The following TPD52L1 variants were observed in gnomAD, a reference collection of about 807,000 sequenced individuals.
TPD52L1 encodes tumor protein D53.
In TPD52L1, 18 loss-of-function variants were observed where a neutral mutation model predicts 28.7. The observed-to-expected ratio is 0.63, with a 90% CI of 0.43 to 0.93. TPD52L1 has a LOEUF of 0.93. TPD52L1 is among the 40% of genes least tolerant of loss of function. The pLI is 0.00. For missense variants in TPD52L1, 203 were observed against 254.8 expected (o/e 0.80, Z 1.39); for synonymous variants, 75 against 88.8 (o/e 0.84, Z 0.88).
chr6:125,187,950 C>G (rs1362982338), intron 1 of TPD52L1, among the ~76,000 whole-genome samples: 1 of 150,074 alleles, frequency 6.7e-6, no homozygotes, highest in Non-Finnish European at 1.5e-5. Context: ...TTAATGATGT[C>G]GAGGAACACA....
intron 1 of TPD52L1, among the ~76,000 whole-genome samples, chr6:125,184,788 G>A (rs557554403): frequency 1.4e-4 from 22 of 151,868 alleles, no homozygotes; most frequent in Middle Eastern, 3.4e-3. Flanking sequence ...CCAGCAAATA[G>A]TAGAGGAAAA....
intron 1 of TPD52L1, among the ~76,000 whole-genome samples, chr6:125,172,120 CTT>C (rs1203271441): frequency 3.0e-4 from 16 of 52,478 alleles, no homozygotes; most frequent in African/African-American, 1.6e-3. Flanking sequence ...TTCTTTCTTT[CTT>C]TCTTTCTTTC....
chr6:125,228,939 A>C (rs2114986170), intron 2 of TPD52L1, 179 bp from the exon 3 acceptor site: 2 of 450,168 alleles, frequency 4.4e-6, no homozygotes, highest in East Asian at 7.3e-5. Flanking sequence ...AAAATGAAAA[A>C]TTCTGTTTCT....
chr6:125,202,711 T>C (rs1793871854), intron 1 of TPD52L1, among the ~76,000 whole-genome samples: 1 of 152,072 alleles, frequency 6.6e-6, no homozygotes, highest in Non-Finnish European at 1.5e-5. Flanking sequence ...ACTGTTTTCC[T>C]TTTTGCTTAG....
chr6:125,260,948 GAA>G (rs1208254703), intron 6 of TPD52L1: 1 of 39,474 alleles, frequency 2.5e-5, no homozygotes, highest in South Asian at 1.1e-3. Context: ...AAGAAAGAAA[GAA>G]AGAAAGAAAG....
At chr6:125,253,974 A>G in intron 5 of TPD52L1, 1 of 740,322 alleles carries the variant, frequency 1.4e-6, no homozygotes, top group Non-Finnish European at 2.5e-6. Flanking sequence ...GATCCAAGAC[A>G]AGTGACTTAA....
intron 4 of TPD52L1, chr6:125,252,119 A>G (rs1350408539): frequency 1.4e-5 from 21 of 1,477,048 alleles, no homozygotes; most frequent in East Asian, 2.5e-5. Flanking sequence ...TTTCTTTCAC[A>G]CTGTGCCTGA....
rs970993885 is a variant in TPD52L1 at position 125,154,376 on chromosome 6, G to T, written c.19+406G>T. ...GTGACTCTTTTCGCCCAGCGCCGTG[G>T]ACTCGCGGCTTGTGGCTCCCAAGTT... On this transcript the variant is annotated intron_variant, in intron 1 of 6. Coordinates refer to ENST00000534000, the MANE Select transcript of TPD52L1 (RefSeq NM_003287.4). 1.1e-5 allele frequency: 11 copies of T among 1,003,292 alleles called. No individual in the cohort carries two copies. The African/African-American group carries it at 1.9e-4, about 17-fold the overall frequency. 62.1% of individuals were successfully genotyped at this position (1,003,292 alleles called of 1,614,324 possible).
At chr6:125,177,141 C>T (rs1357755917) in intron 1 of TPD52L1, among the ~76,000 whole-genome samples, 1 of 152,174 alleles carries the variant, frequency 6.6e-6, no homozygotes, top group African/African-American at 2.4e-5. Flanking sequence ...ATACATTCAC[C>T]CGTACATTGG....
intron 2 of TPD52L1, among the ~76,000 whole-genome samples, chr6:125,226,673 C>A (rs1455522614): frequency 6.6e-6 from 1 of 151,688 alleles, no homozygotes; most frequent in African/African-American, 2.4e-5. Flanking sequence ...CCCCCACCCC[C>A]GCCGAGAAAA....
chr6:125,182,458 G>A (rs1479428471), intron 1 of TPD52L1, among the ~76,000 whole-genome samples: 1 of 152,048 alleles, frequency 6.6e-6, no homozygotes, highest in African/African-American at 2.4e-5. Context: ...GTAGTCAGGA[G>A]AGGATCATTG....
chr6:125,207,690 A>G (rs1794237376), intron 1 of TPD52L1, among the ~76,000 whole-genome samples: 1 of 152,206 alleles, frequency 6.6e-6, no homozygotes, highest in Admixed American at 6.5e-5. Flanking sequence ...TGCAGTATCC[A>G]CCTAGGTCCC....
At chr6:125,231,616 T>C (rs549286514) in intron 3 of TPD52L1, among the ~76,000 whole-genome samples, 14 of 147,236 alleles carry the variant, frequency 9.5e-5, no homozygotes, top group African/African-American at 3.7e-4. Flanking sequence ...GTTTTTGTTG[T>C]TGTTGTTGTT....
At chr6:125,199,422 C>T (rs542947735) in intron 1 of TPD52L1, among the ~76,000 whole-genome samples, 3 of 152,330 alleles carry the variant, frequency 2.0e-5, no homozygotes, top group South Asian at 2.1e-4. Context: ...CAGTGGCTCA[C>T]GCCTGTAATC....
intron 1 of TPD52L1, among the ~76,000 whole-genome samples, chr6:125,199,512 C>T (rs533781668): frequency 3.9e-5 from 6 of 152,110 alleles, no homozygotes; most frequent in Non-Finnish European, 8.8e-5. Context: ...ATGGTAAAAC[C>T]TCATCTCTAC....
At chr6:125,180,527 T>C (rs1209285050) in intron 1 of TPD52L1, among the ~76,000 whole-genome samples, 3 of 151,880 alleles carry the variant, frequency 2.0e-5, no homozygotes, top group African/African-American at 7.3e-5. Context: ...ACACAGTTTT[T>C]AAATATACAT....
At position 125,250,928 on chromosome 6, in the gene TPD52L1, T is replaced by C; in HGVS notation, c.386+2545T>C. Among the ~76,000 whole-genome samples the C allele has an allele frequency of 1.3e-5, 2 of 152,158 alleles. 1 individual carries two copies. The highest frequency in any genetic ancestry group is 2.9e-5 in the Non-Finnish European group (2 of 68,028). ...TACAATCCTGAAATATTTTGAAGAG[T>C]TTGAAAATTTCAGAGCTTTATTTAT... is the stretch of plus-strand genomic sequence containing the variant. On this transcript the variant is annotated intron_variant, in intron 4 of 6. Coordinates refer to ENST00000534000, the MANE Select transcript of TPD52L1 (RefSeq NM_003287.4).
chr6:125,235,860 G>A (rs1796235600), intron 3 of TPD52L1, among the ~76,000 whole-genome samples: 1 of 152,206 alleles, frequency 6.6e-6, no homozygotes, highest in African/African-American at 2.4e-5. Context: ...GGATAACATA[G>A]TGGGATCCCA....
intron 2 of TPD52L1, 72 bp from the exon 3 acceptor site, chr6:125,229,045 AC>A: frequency 1.3e-6 from 2 of 1,522,428 alleles, no homozygotes; most frequent in Non-Finnish European, 1.8e-6. Flanking sequence ...GCTTTGGAAT[AC>A]CCAGAGCTTC....
Sources: allele counts gnomAD v4.1 joint callset (sites outside exome capture counted in the v4.1 genomes callset), GRCh38; gene constraint gnomAD v4.1.1; transcripts MANE v1.5; gene names NCBI Gene and HGNC (gene_info 2026-07-23, HGNC 2026-07-21).